WWOX: variants seen among roughly 807,000 people sequenced by gnomAD.
The protein encoded by WWOX is WW domain containing oxidoreductase.
A neutral mutation model predicts 46.2 loss-of-function variants in WWOX; 69 were observed. The ratio of observed to expected loss-of-function variants is 1.49; its 90% CI spans 1.23 to 1.82. WWOX has a LOEUF of 1.82. WWOX is among the 40% of genes most tolerant of loss of function. The pLI is 0.00. For synonymous variants in WWOX, 359 were observed against 202.6 expected (o/e 1.77, Z -6.56); for missense variants, 919 against 542.6 (o/e 1.69, Z -6.89).
chr16:78,917,491 TC>T (rs5818192), intron 8 of WWOX, among the ~76,000 whole-genome samples: 20,112 of 151,996 alleles, frequency 0.13, 1,615 homozygotes, highest in African/African-American at 0.22. Context: ...GATTTTTTTT[TC>T]CTTAAATTTA....
At chr16:78,413,108 G>A (rs147217854) in intron 6 of WWOX, among the ~76,000 whole-genome samples, 16 of 152,146 alleles carry the variant, frequency 1.1e-4, no homozygotes, top group African/African-American at 2.7e-4. Context: ...TTATCAAGAC[G>A]GGGGTACTGC....
At chr16:78,431,986 G>A (rs972368566) in intron 7 of WWOX, among the ~76,000 whole-genome samples, 1 of 152,146 alleles carries the variant, frequency 6.6e-6, no homozygotes, top group African/African-American at 2.4e-5. Context: ...AAAGTGCTGG[G>A]ATTAGAGGCA....
At chr16:78,871,239 G>A (rs534531669) in intron 8 of WWOX, among the ~76,000 whole-genome samples, 4 of 151,166 alleles carry the variant, frequency 2.6e-5, no homozygotes, top group African/African-American at 9.7e-5. Flanking sequence ...AAGACAGAAA[G>A]AGGGGGGATT....
At chr16:78,888,353 G>C (rs955714950) in intron 8 of WWOX, among the ~76,000 whole-genome samples, 14 of 152,170 alleles carry the variant, frequency 9.2e-5, no homozygotes, top group African/African-American at 3.4e-4. Context: ...TGAAATCCCA[G>C]GTACCTGCCC....
intron 5 of WWOX, chr16:78,355,635 G>A (rs935541421): frequency 1.5e-5 from 9 of 612,946 alleles, no homozygotes; most frequent in East Asian, 4.0e-5. Flanking sequence ...AGAAACGACC[G>A]AGAGCTTCGA....
intron 8 of WWOX, among the ~76,000 whole-genome samples, chr16:78,989,113 C>G: frequency 6.6e-6 from 1 of 152,152 alleles, no homozygotes; most frequent in African/African-American, 2.4e-5. Context: ...TCCTTAATTA[C>G]TAAAATTATC....
intron 8 of WWOX, chr16:78,756,834 C>G (rs531565518): frequency 1.0e-5 from 7 of 676,836 alleles, no homozygotes; most frequent in Middle Eastern, 2.4e-4. Context: ...TACTACTGAC[C>G]TGTATAATCG....
chr16:78,270,031 T>C (rs1402634008), intron 5 of WWOX, among the ~76,000 whole-genome samples: 1 of 151,534 alleles, frequency 6.6e-6, no homozygotes, highest in African/African-American at 2.4e-5. Flanking sequence ...AGAAATGATG[T>C]GTATGATGTC....
In WWOX at chr16:78,216,601, G is replaced by C. The variant is rs145330369; in HGVS notation, c.516+52312G>C. The stretch of plus-strand genomic sequence containing the variant: ...CCTCTTCATTTTTCAAAGCCAGCAA[G>C]ATTGCATCTCTCTGTCTTTCTTTTG... On this transcript the variant is annotated intron_variant, in intron 5 of 8. Transcript: ENST00000566780. Among the ~76,000 whole-genome samples the C allele has an allele frequency of 5.6e-4, 85 of 152,108 alleles. 2 individuals carry two copies. The Middle Eastern group carries it at 0.01, about 18-fold the overall frequency.
Position 78,657,811 on chromosome 16 carries a change from T to G in WWOX, c.1056+225059T>G, listed in dbSNP as rs1449161442. ...TTGTCCTTTTTTATTAAAACAGGTT[T>G]TGTTTTTTTGTGTGTGTGTTATTTT... On this transcript the variant is annotated intron_variant, in intron 8 of 8. Coordinates refer to ENST00000566780, the MANE Select transcript of WWOX (RefSeq NM_016373.4). 2.0e-5 allele frequency among the ~76,000 whole-genome samples: 3 copies of G among 152,318 alleles called. No homozygotes were observed. The East Asian group carries it at 5.8e-4, about 29-fold the overall frequency.
chr16:78,963,245 G>C (rs542249196), intron 8 of WWOX, among the ~76,000 whole-genome samples: 15 of 152,270 alleles, frequency 9.9e-5, no homozygotes, highest in African/African-American at 3.6e-4. Flanking sequence ...GAGGTGAGAG[G>C]ATTCCTTGAG....
At chr16:78,266,788 T>TTCTCTCTCTTTCTCTCTC (rs767644576) in intron 5 of WWOX, among the ~76,000 whole-genome samples, 10 of 115,624 alleles carry the variant, frequency 8.6e-5, no homozygotes, top group Non-Finnish European at 1.4e-4. Context: ...TATTCTTCTA[T>TTCTCTCTCTTTCTCTCTC]TCTCTCTCTC....
intron 8 of WWOX, among the ~76,000 whole-genome samples, chr16:78,872,041 A>T (rs78449219): frequency 0.015 from 2,278 of 152,344 alleles, 57 homozygotes; most frequent in African/African-American, 0.052. Context: ...CTAGGGCACA[A>T]AATTTCTGTC....
At chr16:78,876,014 C>G (rs1171406866) in intron 8 of WWOX, among the ~76,000 whole-genome samples, 3 of 152,114 alleles carry the variant, frequency 2.0e-5, no homozygotes, top group Non-Finnish European at 4.4e-5. Flanking sequence ...CCCACCCTCT[C>G]TTATTTTTAT....
At position 78,919,621 on chromosome 16, in the gene WWOX, G is replaced by A. The variant is rs145311706; in HGVS notation, c.1057-291987G>A. Among the ~76,000 whole-genome samples, 1,203 of 148,138 alleles carry A rather than the reference G, an allele frequency of 8.1e-3. 14 individuals are homozygous for A. Among genetic ancestry groups the A allele is most frequent in the African/African-American group, 0.028 (1,123 of 40,372 alleles). On this transcript the variant is annotated intron_variant, in intron 8 of 8. Coordinates refer to ENST00000566780, the MANE Select transcript of WWOX (RefSeq NM_016373.4). Reference sequence around the variant, plus strand: ...CAACCTCCGCCTCCCGGGATCAAGCGATTCTCCTGCCTCATGCTCCCGAAT... The same window carrying A: ...CAACCTCCGCCTCCCGGGATCAAGCAATTCTCCTGCCTCATGCTCCCGAAT...
At chr16:79,114,653 A>G (rs1233903711) in intron 8 of WWOX, among the ~76,000 whole-genome samples, 1 of 152,062 alleles carries the variant, frequency 6.6e-6, no homozygotes, top group African/African-American at 2.4e-5. Flanking sequence ...AAGAGAGAAT[A>G]AACTTGTATT....
chr16:78,842,288 A>T (rs1284762803), intron 8 of WWOX, among the ~76,000 whole-genome samples: 7 of 151,268 alleles, frequency 4.6e-5, no homozygotes, highest in South Asian at 2.1e-4. Flanking sequence ...GAGGCCAAGA[A>T]TTTGAGACCA....
chr16:78,400,766 G>A (rs560002575), intron 6 of WWOX, among the ~76,000 whole-genome samples: 18 of 152,260 alleles, frequency 1.2e-4, no homozygotes, highest in African/African-American at 4.3e-4. Context: ...CATTAAATTT[G>A]TATCAATGAA....
intron 5 of WWOX, among the ~76,000 whole-genome samples, chr16:78,297,593 A>G (rs73574528): frequency 0.15 from 22,259 of 152,228 alleles, 1,840 homozygotes; most frequent in Middle Eastern, 0.29. Flanking sequence ...TTATTGAACA[A>G]ATGCCATTTT....
Sources: allele counts gnomAD v4.1 joint callset (sites outside exome capture counted in the v4.1 genomes callset), GRCh38; gene constraint gnomAD v4.1.1; transcripts MANE v1.5; gene names NCBI Gene and HGNC (gene_info 2026-07-23, HGNC 2026-07-21).